The following TANGO6 variants were observed in gnomAD, a reference collection of about 807,000 sequenced individuals.
The protein encoded by TANGO6 is transport and Golgi organization protein 6 homolog.
TANGO6 carries 90 observed loss-of-function variants against 114.2 expected under a neutral mutation model. That is an observed-to-expected ratio of 0.79 (90% CI 0.66 to 0.94). The LOEUF is 0.94. Ranked by LOEUF, TANGO6 falls within the 40% of genes least tolerant of loss-of-function variation. The pLI, the probability that TANGO6 is intolerant of heterozygous loss-of-function variation, is 0.00. For missense variants in TANGO6, 1,274 were observed against 1,315.3 expected (o/e 0.97, Z 0.49); for synonymous variants, 477 against 509.8 (o/e 0.94, Z 0.87).
At chr16:68,969,341 G>A (rs557770058) in intron 14 of TANGO6, among the ~76,000 whole-genome samples, 1 of 152,128 alleles carries the variant, frequency 6.6e-6, no homozygotes, top group Admixed American at 6.5e-5. Context: ...AAGTTTTTTC[G>A]AAATAAATAA....
At chr16:68,960,634 G>A (rs1390775104) in intron 14 of TANGO6, among the ~76,000 whole-genome samples, 1 of 152,064 alleles carries the variant, frequency 6.6e-6, no homozygotes, top group Non-Finnish European at 1.5e-5. Flanking sequence ...CCAGGAAACT[G>A]GGATTGCAAG....
At chr16:68,901,676 A>G (rs182732068) in intron 8 of TANGO6, among the ~76,000 whole-genome samples, 1 of 152,174 alleles carries the variant, frequency 6.6e-6, no homozygotes, top group East Asian at 1.9e-4. Flanking sequence ...TTTAGTAGAG[A>G]CAGTGTTTCA....
At chr16:68,966,909 A>G (rs923016020) in intron 14 of TANGO6, among the ~76,000 whole-genome samples, 2 of 151,854 alleles carry the variant, frequency 1.3e-5, no homozygotes, top group Non-Finnish European at 2.9e-5. Context: ...GTAGCTGGGA[A>G]TACACGTATG....
At chr16:68,983,202 G>A (rs756277485) in intron 15 of TANGO6, among the ~76,000 whole-genome samples, 3 of 151,966 alleles carry the variant, frequency 2.0e-5, no homozygotes, top group African/African-American at 7.3e-5. Context: ...AGTTTGGGTC[G>A]GAAATCCTTG....
intron 8 of TANGO6, among the ~76,000 whole-genome samples, chr16:68,900,856 C>T (rs1034296324): frequency 5.9e-5 from 9 of 152,114 alleles, no homozygotes; most frequent in African/African-American, 1.9e-4. Context: ...AATTACATGT[C>T]TAGGAAGAAG....
At chr16:69,037,954 C>A (rs1216052556) in intron 16 of TANGO6, among the ~76,000 whole-genome samples, 1 of 152,188 alleles carries the variant, frequency 6.6e-6, no homozygotes, top group Non-Finnish European at 1.5e-5. Context: ...AAAAATACAA[C>A]CTGTATAGTT....
intron 1 of TANGO6, among the ~76,000 whole-genome samples, chr16:68,854,304 A>G (rs918547134): frequency 6.6e-6 from 1 of 152,070 alleles, no homozygotes; most frequent in Non-Finnish European, 1.5e-5. Context: ...TAATTAGTCA[A>G]GCATGGTGGC....
chr16:69,077,511 T>C (rs1221452645), intron 17 of TANGO6, among the ~76,000 whole-genome samples: 3 of 152,114 alleles, frequency 2.0e-5, no homozygotes, highest in Admixed American at 6.6e-5. Context: ...TTCTGAGGCA[T>C]TGGGGCTATA....
intron 15 of TANGO6, among the ~76,000 whole-genome samples, chr16:69,002,769 C>T (rs977818024): frequency 3.3e-5 from 5 of 152,028 alleles, no homozygotes; most frequent in African/African-American, 1.2e-4. Context: ...GGGTCAGGTG[C>T]GGTGGCTCAC....
intron 15 of TANGO6, among the ~76,000 whole-genome samples, chr16:68,981,210 C>CTTTTTTTT (rs553789256): frequency 5.4e-5 from 6 of 111,052 alleles, no homozygotes; most frequent in African/African-American, 1.1e-4. Flanking sequence ...TTTTCTTTTC[C>CTTTTTTTT]TTTTTTTTTT....
Position 68,867,250 on chromosome 16 carries a change from G to C in TANGO6, c.994+30G>C, listed in dbSNP as rs766074888. The C allele has an allele frequency of 1.7e-5, 27 of 1,612,740 alleles. No individual in the cohort carries two copies. In the African/African-American group the frequency reaches 2.9e-4, roughly 18 times the overall value. ...GAAATAAAATGTTGCTGTGACTTTG[G>C]TATCTGTTTTCCTTTGAGTCAGAGT... On this transcript the variant is annotated intron_variant, in intron 4 of 17. Transcript: ENST00000261778.
chr16:68,870,597 A>G (rs376186437), intron 4 of TANGO6, among the ~76,000 whole-genome samples: 3 of 152,084 alleles, frequency 2.0e-5, no homozygotes, highest in African/African-American at 4.8e-5. Flanking sequence ...AGTTCCCCCA[A>G]CTTGTGCATG....
chr16:68,866,588 A>T (rs1318866778), intron 3 of TANGO6, among the ~76,000 whole-genome samples: 4 of 149,274 alleles, frequency 2.7e-5, no homozygotes, highest in African/African-American at 9.9e-5. Context: ...GCGCCACTGC[A>T]GTCCGCAGTC....
At chr16:69,012,580 G>GAAA (rs745623750) in intron 15 of TANGO6, among the ~76,000 whole-genome samples, 1 of 108,540 alleles carries the variant, frequency 9.2e-6, no homozygotes, top group Non-Finnish European at 1.9e-5. Context: ...AAAAAAAAAG[G>GAAA]AAAAAAAAAA....
intron 15 of TANGO6, among the ~76,000 whole-genome samples, chr16:69,009,262 G>A (rs1290427116): frequency 6.6e-6 from 1 of 151,118 alleles, no homozygotes; most frequent in Non-Finnish European, 1.5e-5. Context: ...TGTATCTTTA[G>A]TAGAGACGGG....
chr16:68,926,027 T>C (rs1963162579), intron 12 of TANGO6, among the ~76,000 whole-genome samples: 1 of 151,682 alleles, frequency 6.6e-6, no homozygotes, highest in Non-Finnish European at 1.5e-5. Flanking sequence ...TTGATCTATT[T>C]GTCTTGGCTG....
chr16:68,947,884 G>A (rs1256572073), intron 14 of TANGO6, among the ~76,000 whole-genome samples: 1 of 151,996 alleles, frequency 6.6e-6, no homozygotes, highest in Non-Finnish European at 1.5e-5. Context: ...GAGCCATCAC[G>A]CCCAGACTAC....
chr16:68,945,679 C>T (rs2152203416), intron 14 of TANGO6, among the ~76,000 whole-genome samples: 2 of 151,532 alleles, frequency 1.3e-5, no homozygotes, highest in Middle Eastern at 6.9e-3. Flanking sequence ...AGTGTCTATT[C>T]AGATTCTTTG....
chr16:68,884,665 A>C (rs908510966), intron 7 of TANGO6, among the ~76,000 whole-genome samples: 1 of 152,158 alleles, frequency 6.6e-6, no homozygotes, highest in African/African-American at 2.4e-5. Context: ...ATTTTGGTGC[A>C]AACCCTTTAT....
Sources: gnomAD v4.1 joint callset for allele counts (sites outside exome capture counted in the v4.1 genomes callset) on GRCh38, gnomAD v4.1.1 for gene constraint, MANE v1.5 for transcripts, NCBI Gene and HGNC (gene_info 2026-07-23, HGNC 2026-07-21) for gene names.